CRACR2A: variants seen among roughly 807,000 people sequenced by gnomAD.
CRACR2A encodes calcium release activated channel regulator 2A.
In CRACR2A, 79 loss-of-function variants were observed where a neutral mutation model predicts 90.5. The ratio of observed to expected loss-of-function variants is 0.87; its 90% CI spans 0.73 to 1.05. CRACR2A has a LOEUF of 1.05. CRACR2A is among the 50% of genes least tolerant of loss of function. The probability of loss-of-function intolerance (pLI) is 0.00; values close to 1 mark genes in which losing one functional copy is unlikely to be tolerated. For synonymous variants in CRACR2A, 338 were observed against 356.7 expected, an observed-to-expected ratio of 0.95 and a Z score of 0.59; for missense variants, 823 against 897.2, an observed-to-expected ratio of 0.92 and a Z score of 1.06.
At chr12:3,721,911 G>T (rs1036601479) in intron 2 of CRACR2A, among the ~76,000 whole-genome samples, 10 of 152,180 alleles carry the variant, frequency 6.6e-5, no homozygotes, top group African/African-American at 2.4e-4. Flanking sequence ...TGTGAGTAGG[G>T]AACAGGGTGC....
chr12:3,637,016 C>T (rs1413502833), intron 14 of CRACR2A, among the ~76,000 whole-genome samples: 1 of 152,208 alleles, frequency 6.6e-6, no homozygotes, highest in East Asian at 1.9e-4. Flanking sequence ...AGGATGAGGG[C>T]TCGAGGGGCC....
chr12:3,655,351 C>A (rs992976920), intron 9 of CRACR2A, among the ~76,000 whole-genome samples: 2 of 152,158 alleles, frequency 1.3e-5, no homozygotes, highest in African/African-American at 4.8e-5. Flanking sequence ...TGGCAGTTCC[C>A]GGAGTAGAAA....
At chr12:3,638,631 C>T (rs370598110) in intron 13 of CRACR2A, among the ~76,000 whole-genome samples, 177 bp from the exon 14 acceptor site, 86 of 152,306 alleles carry the variant, frequency 5.6e-4, no homozygotes, top group African/African-American at 2.0e-3. Flanking sequence ...TCATTCAACA[C>T]GCTTCCACTA....
chr12:3,642,481 T>C (rs756411895), intron 12 of CRACR2A, among the ~76,000 whole-genome samples: 2 of 152,194 alleles, frequency 1.3e-5, no homozygotes, highest in Admixed American at 1.3e-4. Context: ...TCCCAAAGTA[T>C]TGGGATTACA....
intron 2 of CRACR2A, among the ~76,000 whole-genome samples, chr12:3,721,929 C>A (rs2137815327): frequency 6.6e-6 from 1 of 152,290 alleles, no homozygotes. Flanking sequence ...TGCACTGGCA[C>A]AAGGACAGAG....
chr12:3,696,875 T>C lies in CRACR2A; in HGVS notation c.125A>G (p.Gln42Arg), dbSNP rs1414607632. 1 of 1,614,234 alleles carries C rather than the reference T, an allele frequency of 6.2e-7. No individual in the cohort carries two copies. The highest frequency in any genetic ancestry group is 2.2e-5 in the East Asian group (1 of 44,886). Residue 42 changes from glutamine to arginine, a missense_variant, in exon 4 of 20, where the codon CAG becomes CGG. Gln to Arg is a conservative substitution (Grantham distance 43). Coordinates refer to ENST00000440314, the MANE Select transcript of CRACR2A (RefSeq NM_001144958.2). ...GACTAGCTGGCCCGACGTTTGCTCC[T>C]GAGTCTCCTTCTGCTCCAGGCTGTC... ...PLDSLEQKET[Q>R]EQTSGQLVML...
rs74055966 is a variant in CRACR2A at position 3,672,694 on chromosome 12, G to A, written c.671+752C>T. ...TGCATTAATTCTCATGAAGGGACTG[G>A]TGTCTAGTGGGCTTGCCCCAGTTTT... On this transcript the variant is annotated intron_variant, in intron 7 of 19. Transcript: ENST00000440314. 3.2e-4 allele frequency: 288 copies of A among 909,568 alleles called. 1 individual carries two copies. In the African/African-American group the frequency reaches 4.9e-3, roughly 16 times the overall value. 56.3% of individuals were successfully genotyped at this position (909,568 alleles called of 1,614,324 possible).
chr12:3,656,253 G>T, intron 9 of CRACR2A, 58 bp downstream of exon 9: 1 of 1,535,152 alleles, frequency 6.5e-7, no homozygotes, highest in Non-Finnish European at 9.0e-7. Context: ...TGGGCAAGAG[G>T]CAGAGAAAAG....
At chr12:3,679,805 C>T (rs916078864) in intron 5 of CRACR2A, among the ~76,000 whole-genome samples, 2 of 152,220 alleles carry the variant, frequency 1.3e-5, no homozygotes, top group African/African-American at 4.8e-5. Flanking sequence ...AGAAATTCCT[C>T]TGATAGCTGT....
In CRACR2A at chr12:3,627,711, A is replaced by C. The variant is rs541101068; in HGVS notation, c.1736-5T>G. 4.9e-4 allele frequency: 760 copies of C among 1,551,632 alleles called. 1 individual carries two copies. The highest frequency in any genetic ancestry group is 6.1e-4 in the Non-Finnish European group (695 of 1,146,998). On this transcript the variant is annotated splice_region_variant and splice_polypyrimidine_tract_variant and intron_variant, in intron 15 of 19. Transcript: ENST00000440314. ...TCTTCACACGGTAATCAATGCCTGC[A>C]GGGTGAAATGGGCCTGTCAGGGCTG...
At chr12:3,617,520 A>T (rs919874911) in intron 18 of CRACR2A, among the ~76,000 whole-genome samples, 2 of 152,182 alleles carry the variant, frequency 1.3e-5, no homozygotes, top group African/African-American at 4.8e-5. Context: ...GGCATTCCAT[A>T]GGCCTTGGGG....
chr12:3,706,237 G>T (rs934661326), intron 3 of CRACR2A, among the ~76,000 whole-genome samples: 1 of 152,202 alleles, frequency 6.6e-6, no homozygotes. Flanking sequence ...AGGAGACAAG[G>T]CAGATGCAGG....
chr12:3,628,308 C>T (rs1944314333), intron 15 of CRACR2A, among the ~76,000 whole-genome samples: 1 of 151,820 alleles, frequency 6.6e-6, no homozygotes. Flanking sequence ...GGGGTATGGC[C>T]TCCATCAACC....
At chr12:3,692,686 C>T (rs570321827) in intron 4 of CRACR2A, among the ~76,000 whole-genome samples, 11 of 152,266 alleles carry the variant, frequency 7.2e-5, no homozygotes, top group South Asian at 4.1e-4. Context: ...TTATTGGCTG[C>T]AGCAGGGTGC....
chr12:3,663,038 G>C (rs1945066599), intron 7 of CRACR2A, among the ~76,000 whole-genome samples: 1 of 152,208 alleles, frequency 6.6e-6, no homozygotes, highest in East Asian at 1.9e-4. Context: ...TCAGATGACA[G>C]CATATGTCTT....
At chr12:3,615,464 C>T in intron 19 of CRACR2A, 25 bp from the exon 20 acceptor site, 1 of 1,536,742 alleles carries the variant, frequency 6.5e-7, no homozygotes, top group Non-Finnish European at 8.8e-7. Context: ...GAGATCGTGT[C>T]AGTGATGGAG....
intron 11 of CRACR2A, among the ~76,000 whole-genome samples, chr12:3,645,762 C>A (rs963963484): frequency 6.6e-6 from 1 of 152,128 alleles, no homozygotes; most frequent in African/African-American, 2.4e-5. Context: ...TGAATGTGAA[C>A]AACTCTTCTG....
chr12:3,674,882 T>C (rs1394772691), intron 6 of CRACR2A, among the ~76,000 whole-genome samples: 1 of 152,232 alleles, frequency 6.6e-6, no homozygotes, highest in Non-Finnish European at 1.5e-5. Context: ...TTTCCAGCTA[T>C]TGAAAATATA....
chr12:3,671,873 C>T (rs771992089), intron 7 of CRACR2A, among the ~76,000 whole-genome samples: 6 of 152,190 alleles, frequency 3.9e-5, no homozygotes, highest in Admixed American at 6.5e-5. Context: ...TGGATACTGT[C>T]CCTATCTTAC....
Sources: gnomAD v4.1 joint callset for allele counts (sites outside exome capture counted in the v4.1 genomes callset) on GRCh38, gnomAD v4.1.1 for gene constraint, MANE v1.5 for transcripts, NCBI Gene and HGNC (gene_info 2026-07-23, HGNC 2026-07-21) for gene names.